The following NACC2 variants were observed in gnomAD, a reference collection of about 807,000 sequenced individuals.
NACC2 encodes the protein nucleus accumbens-associated protein 2.
A neutral mutation model predicts 25.1 loss-of-function variants in NACC2; 8 were observed. The observed-to-expected ratio is 0.32, with a 90% CI of 0.19 to 0.57. The LOEUF (loss-of-function observed/expected upper bound fraction) is 0.57, where lower values mean the gene tolerates loss of function less well. NACC2 is among the 20% of genes least tolerant of loss of function. NACC2 has a pLI of 0.89. For synonymous variants in NACC2, 435 were observed against 294.7 expected (o/e 1.48, Z -4.88); for missense variants, 644 against 650.2 (o/e 0.99, Z 0.10).
chr9:136,079,058 C>CTT (rs10540260), intron 1 of NACC2, among the ~76,000 whole-genome samples: 20 of 148,608 alleles, frequency 1.3e-4, no homozygotes, highest in African/African-American at 4.4e-4. Context: ...ATAGCTTCTT[C>CTT]TTTTTTTTTT....
At position 136,013,309 on chromosome 9, in the gene NACC2, C is replaced by T. The variant is rs746159757; in HGVS notation, c.1158-13G>A. 2 of 1,609,206 alleles carry T rather than the reference C, an allele frequency of 1.2e-6. No individual in the cohort carries two copies. The highest frequency in any genetic ancestry group is 3.3e-5 in the Admixed American group (2 of 59,874). On this transcript the variant is annotated splice_polypyrimidine_tract_variant and intron_variant, in intron 4 of 5. Transcript: ENST00000277554. The surrounding 1 kb of genome is among the most constrained non-coding windows in gnomAD (Gnocchi z 6.6). Reference sequence around the variant, plus strand: ...GGCCAGCGTGTTCCTGGTGGAGGGACCGGAAAGGCAGGCAGGGTGAGGATG... The same window carrying T: ...GGCCAGCGTGTTCCTGGTGGAGGGATCGGAAAGGCAGGCAGGGTGAGGATG...
At chr9:136,028,460 C>CT (rs147823523) in intron 2 of NACC2, among the ~76,000 whole-genome samples, 1,523 of 150,522 alleles carry the variant, frequency 0.01, 30 homozygotes, top group African/African-American at 0.035. Context: ...CACTGCAACT[C>CT]TGCCTACTGG....
intron 1 of NACC2, among the ~76,000 whole-genome samples, chr9:136,091,962 A>G (rs1239718501): frequency 1.3e-5 from 2 of 152,176 alleles, no homozygotes; most frequent in Non-Finnish European, 2.9e-5. Flanking sequence ...CGGCCCCCAC[A>G]GCCAAGGCCC....
At chr9:136,049,260 G>A (rs1468915781) in intron 2 of NACC2, among the ~76,000 whole-genome samples, 1 of 152,332 alleles carries the variant, frequency 6.6e-6, no homozygotes, top group East Asian at 1.9e-4. Flanking sequence ...AGACCTGGCC[G>A]GGTGAGGCGC....
chr9:136,040,833 C>T lies in NACC2; in HGVS notation c.886+8803G>A, dbSNP rs1482583744. Among the ~76,000 whole-genome samples, 8 of 152,170 alleles carry T rather than the reference C, an allele frequency of 5.3e-5. No homozygotes were observed. In the East Asian group the frequency reaches 5.8e-4, roughly 11 times the overall value. On this transcript the variant is annotated intron_variant, in intron 2 of 5. Coordinates refer to ENST00000277554, the MANE Select transcript of NACC2 (RefSeq NM_144653.5). The stretch of plus-strand genomic sequence containing the variant: ...AAAATTAGCCGGGTGTGGTGGTGCA[C>T]GCCTGTAGTTCCAGCTACTCTGGGG...
chr9:136,048,961 A>C (rs1840772162), intron 2 of NACC2, among the ~76,000 whole-genome samples: 1 of 152,166 alleles, frequency 6.6e-6, no homozygotes, highest in African/African-American at 2.4e-5. Context: ...CCAGGTGGCC[A>C]GCCCAGACAC....
At chr9:136,062,872 G>C (rs758755804) in intron 1 of NACC2, among the ~76,000 whole-genome samples, 1 of 152,148 alleles carries the variant, frequency 6.6e-6, no homozygotes. Context: ...TGCCGTGATC[G>C]TGCCACTGTA....
Position 136,012,007 on chromosome 9 carries a change from C to T in NACC2, c.1273G>A (p.Ala425Thr), listed in dbSNP as rs145984931. 15 of 1,591,000 alleles carry T rather than the reference C, an allele frequency of 9.4e-6. No individual in the cohort carries two copies. The highest frequency in any genetic ancestry group is 1.3e-5 in the African/African-American group (1 of 74,500). Reference sequence around the variant, plus strand: ...ATCTCGCTCTCCTTGAAGCTGGGGGCGAAGTTCTGACAGTACACTGTGAGG... The same window carrying T: ...ATCTCGCTCTCCTTGAAGCTGGGGGTGAAGTTCTGACAGTACACTGTGAGG... ...NAVKLYCQNF[A>T]PSFKESEMNV... Residue 425 changes from alanine (A) to threonine (T), a missense_variant, in exon 6 of 6, where the codon GCC becomes ACC. Transcript: ENST00000277554.
rs559640392 is a variant in NACC2, at chr9:136,022,421, C to T, written c.887-5992G>A. 3.3e-5 allele frequency among the ~76,000 whole-genome samples: 5 copies of T among 152,350 alleles called. No homozygotes were observed. The highest frequency in any genetic ancestry group is 1.9e-4 in the East Asian group (1 of 5,184). Reference sequence around the variant, plus strand: ...GACCACAACTTGCTTCCCAGCTCCCCGCCCAGGTGCCTCCTGATGGCCAGA... The same window carrying T: ...GACCACAACTTGCTTCCCAGCTCCCTGCCCAGGTGCCTCCTGATGGCCAGA... On this transcript the variant is annotated intron_variant, in intron 2 of 5. Transcript: ENST00000277554. This position sits in a 1 kb window ranked among gnomAD's most constrained non-coding sequence, Gnocchi z 4.4.
intron 2 of NACC2, among the ~76,000 whole-genome samples, chr9:136,033,236 G>A (rs1299272108): frequency 6.6e-6 from 1 of 152,028 alleles, no homozygotes; most frequent in Non-Finnish European, 1.5e-5. Context: ...GACTCTCAGA[G>A]TAAATCAGTG....
intron 2 of NACC2, among the ~76,000 whole-genome samples, chr9:136,035,977 T>C (rs1840546211): frequency 6.6e-6 from 1 of 152,302 alleles, no homozygotes; most frequent in Non-Finnish European, 1.5e-5. Context: ...AGGAAGAAAT[T>C]TCTTTAAATA....
intron 1 of NACC2, among the ~76,000 whole-genome samples, chr9:136,054,045 ATG>A (rs1840887470): frequency 6.6e-6 from 1 of 152,216 alleles, no homozygotes; most frequent in Non-Finnish European, 1.5e-5. Flanking sequence ...AACTGGGGTT[ATG>A]ATTTACCCTC....
chr9:136,050,462 C>T lies in NACC2; in HGVS notation c.60G>A (p.Leu20=). The change falls in exon 2 of 6, where the codon CTG becomes CTA. Residue 20 remains leucine (L), a synonymous_variant. Transcript: ENST00000277554. ...PNFGNTVLGC[L]NEQRLLGLYC... ...AGAGGCCCAGCAGGCGCTGCTCGTT[C>T]AGGCAGCCCAGCACTGTGTTCCCGA... 1 of 766,152 alleles carries T rather than the reference C, an allele frequency of 1.3e-6. No individual in the cohort carries two copies. Among genetic ancestry groups the T allele is most frequent in the Non-Finnish European group, 2.4e-6 (1 of 417,446 alleles). 47.5% of individuals were successfully genotyped at this position (766,152 alleles called of 1,614,324 possible). A position where few individuals can be genotyped will look rare whatever the true frequency, so the allele number is the denominator to read the frequency against.
At chr9:136,071,170 T>A (rs1841146553) in intron 1 of NACC2, among the ~76,000 whole-genome samples, 1 of 151,430 alleles carries the variant, frequency 6.6e-6, no homozygotes, top group African/African-American at 2.4e-5. Context: ...GAGGCAGACG[T>A]TGCGGTGAGC....
At chr9:136,065,916 G>C (rs891575898) in intron 1 of NACC2, among the ~76,000 whole-genome samples, 1 of 151,970 alleles carries the variant, frequency 6.6e-6, no homozygotes, top group African/African-American at 2.4e-5. Flanking sequence ...AAAAGAGGCC[G>C]GGCATGGTGG....
At chr9:136,063,621 C>T (rs1841041755) in intron 1 of NACC2, among the ~76,000 whole-genome samples, 1 of 152,162 alleles carries the variant, frequency 6.6e-6, no homozygotes, top group African/African-American at 2.4e-5. Context: ...CGGTGGCTCA[C>T]GCCTGTAATC....
chr9:136,032,800 G>A (rs1207713469), intron 2 of NACC2, among the ~76,000 whole-genome samples: 1 of 152,110 alleles, frequency 6.6e-6, no homozygotes, highest in Non-Finnish European at 1.5e-5. Flanking sequence ...GGGAGGCTGA[G>A]GTGGGTGGAT....
At chr9:136,024,933 G>A (rs553667623) in intron 2 of NACC2, among the ~76,000 whole-genome samples, 1 of 152,318 alleles carries the variant, frequency 6.6e-6, no homozygotes, top group African/African-American at 2.4e-5. Flanking sequence ...CCTGAGAGCC[G>A]GCCTCAGGGT....
At position 136,013,836 on chromosome 9, in the gene NACC2, G is replaced by A. The variant is rs763641322; in HGVS notation, c.1157+28C>T. 23 of 1,589,252 alleles carry A rather than the reference G, an allele frequency of 1.4e-5. No homozygotes were observed. The South Asian group carries it at 2.0e-4, about 14-fold the overall frequency. On this transcript the variant is annotated intron_variant, in intron 4 of 5. Transcript: ENST00000277554. The surrounding 1 kb of genome is among the most constrained non-coding windows in gnomAD (Gnocchi z 6.6). ...CCAGAACCCTCCGCAGCTCCATTGT[G>A]CCCTCCAGCACTCCTGCCCCGACCT...
Sources: allele counts gnomAD v4.1 joint callset (sites outside exome capture counted in the v4.1 genomes callset), GRCh38; gene constraint gnomAD v4.1.1; non-coding constraint Gnocchi (gnomAD v3.1); transcripts MANE v1.5; gene names NCBI Gene and HGNC (gene_info 2026-07-23, HGNC 2026-07-21).